OPCML: variants seen among roughly 807,000 people sequenced by gnomAD.
OPCML encodes opioid-binding protein/cell adhesion molecule.
In OPCML, 13 loss-of-function variants were observed where a neutral mutation model predicts 37.8. The ratio of observed to expected loss-of-function variants is 0.34; its 90% confidence interval spans 0.22 to 0.55. The LOEUF is 0.55. Ranked by LOEUF, OPCML falls within the 20% of genes least tolerant of loss-of-function variation. OPCML has a pLI of 0.91. For missense variants in OPCML, 341 were observed against 435.6 expected (o/e 0.78, Z 1.93); for synonymous variants, 176 against 168.8 (o/e 1.04, Z -0.33).
intron 2 of OPCML, among the ~76,000 whole-genome samples, chr11:132,901,779 A>G (rs1944071971): frequency 6.6e-6 from 1 of 152,220 alleles, no homozygotes; most frequent in African/African-American, 2.4e-5. Flanking sequence ...GCATAAAGGA[A>G]AAAGAAATGA....
At chr11:133,507,314 C>T (rs981586125) in intron 1 of OPCML, among the ~76,000 whole-genome samples, 3 of 152,176 alleles carry the variant, frequency 2.0e-5, no homozygotes, top group East Asian at 3.9e-4. Flanking sequence ...TGGGTGCAGC[C>T]CCAGGCTCCA....
At chr11:133,249,341 G>C (rs1941051744) in intron 1 of OPCML, among the ~76,000 whole-genome samples, 1 of 152,102 alleles carries the variant, frequency 6.6e-6, no homozygotes, top group African/African-American at 2.4e-5. Flanking sequence ...TGAACGATCA[G>C]TTCTGGTGAG....
intron 3 of OPCML, among the ~76,000 whole-genome samples, chr11:132,598,709 T>C (rs1167079865): frequency 6.6e-6 from 1 of 152,216 alleles, no homozygotes; most frequent in Non-Finnish European, 1.5e-5. Context: ...CTGAATTTAA[T>C]ACAAATCACT....
At chr11:132,717,188 G>C (rs1197025314) in intron 2 of OPCML, among the ~76,000 whole-genome samples, 1 of 152,104 alleles carries the variant, frequency 6.6e-6, no homozygotes. Flanking sequence ...TGACCACTTT[G>C]TTATTGGATG....
At chr11:133,301,663 C>T (rs1942781273) in intron 1 of OPCML, 1 of 152,114 alleles carries the variant, frequency 6.6e-6, no homozygotes, top group African/African-American at 2.4e-5. Context: ...CTGGAAGTCT[C>T]ACTTAAAATA....
At chr11:132,759,309 C>A (rs907156026) in intron 2 of OPCML, among the ~76,000 whole-genome samples, 1 of 152,092 alleles carries the variant, frequency 6.6e-6, no homozygotes, top group Non-Finnish European at 1.5e-5. Context: ...ATGATGCTGG[C>A]CTCATAAAAT....
intron 4 of OPCML, among the ~76,000 whole-genome samples, chr11:132,464,057 T>C (rs2096111962): frequency 6.6e-6 from 1 of 152,208 alleles, no homozygotes; most frequent in African/African-American, 2.4e-5. Context: ...ATAAACAAAA[T>C]ACATTTCATG....
intron 1 of OPCML, among the ~76,000 whole-genome samples, chr11:133,396,663 G>T (rs1206322584): frequency 6.6e-6 from 1 of 152,052 alleles, no homozygotes; most frequent in Non-Finnish European, 1.5e-5. Context: ...GATAATACTG[G>T]CTTAACTTTC....
rs1048707351 is a variant in OPCML at position 133,211,567 on chromosome 11, T to G, written c.62-268557A>C. Among the ~76,000 whole-genome samples the G allele has an allele frequency of 4.6e-5, 7 of 152,200 alleles. No homozygotes were observed. The highest frequency in any genetic ancestry group is 1.7e-4 in the African/African-American group (7 of 41,446). On this transcript the variant is annotated intron_variant, in intron 1 of 7. Transcript: ENST00000524381. This position sits in a 1 kb window ranked among gnomAD's most constrained non-coding sequence, Gnocchi z 4.1. ...AACACTTCCGAAGGTTCTGTAACTA[T>G]GCTTTGGCATCAACAGTGGAACATG... is the stretch of plus-strand genomic sequence containing the variant.
chr11:133,452,831 A>G (rs1946606008), intron 1 of OPCML, among the ~76,000 whole-genome samples: 1 of 151,592 alleles, frequency 6.6e-6, no homozygotes, highest in Non-Finnish European at 1.5e-5. Context: ...TCTAGGGGAA[A>G]TTTGCTTAGC....
chr11:133,436,844 C>A (rs1405479385), intron 1 of OPCML, among the ~76,000 whole-genome samples: 4 of 152,168 alleles, frequency 2.6e-5, no homozygotes, highest in Non-Finnish European at 5.9e-5. Flanking sequence ...AAGACCTAAA[C>A]CTTTCGGTCC....
chr11:133,001,870 G>C (rs1947012752), intron 1 of OPCML, among the ~76,000 whole-genome samples: 1 of 152,220 alleles, frequency 6.6e-6, no homozygotes, highest in Non-Finnish European at 1.5e-5. Flanking sequence ...TCATGATCTG[G>C]CAAGAGTATT....
intron 3 of OPCML, among the ~76,000 whole-genome samples, chr11:132,582,149 T>A (rs75112659): frequency 0.027 from 3,504 of 129,594 alleles, 115 homozygotes; most frequent in African/African-American, 0.085. Flanking sequence ...TGTGTGTGTG[T>A]GAAACAGAGA....
At position 132,633,533 on chromosome 11, in the gene OPCML, C is replaced by G. The variant is rs80264345; in HGVS notation, c.379+23554G>C. ...GCCTCAGGATTCGACCCCACTCCCC[C>G]AGTCACAGGAAGTGCGAGGAGGCCC... On this transcript the variant is annotated intron_variant, in intron 3 of 7. Transcript: ENST00000524381. 1.8e-4 allele frequency among the ~76,000 whole-genome samples: 27 copies of G among 152,270 alleles called. No homozygotes were observed. The South Asian group carries it at 2.1e-3, about 12-fold the overall frequency.
rs566980454 is a variant in OPCML, at chr11:132,873,341, T to A, written c.146+69585A>T. Among the ~76,000 whole-genome samples, 3 of 152,318 alleles carry A rather than the reference T, an allele frequency of 2.0e-5. No homozygotes were observed. The South Asian group carries it at 6.2e-4, about 32-fold the overall frequency. On this transcript the variant is annotated intron_variant, in intron 2 of 7. Coordinates refer to ENST00000524381, the MANE Select transcript of OPCML (RefSeq NM_001012393.5). ...GTGATAAGTCTAGAACCAAGTTAGG[T>A]GATACGCTTTCCTTCAGGTAAACCA...
intron 1 of OPCML, among the ~76,000 whole-genome samples, chr11:132,994,592 C>A (rs1946848285): frequency 6.6e-6 from 1 of 152,146 alleles, no homozygotes; most frequent in Admixed American, 6.5e-5. Context: ...GCAGCGTTTG[C>A]AATCCCTCAT....
At chr11:133,254,055 C>T (rs965097774) in intron 1 of OPCML, among the ~76,000 whole-genome samples, 8 of 152,104 alleles carry the variant, frequency 5.3e-5, no homozygotes, top group African/African-American at 1.7e-4. Context: ...AGTCAAGAGA[C>T]AGCAGAACCT....
intron 2 of OPCML, among the ~76,000 whole-genome samples, chr11:132,681,180 G>T (rs1455804512): frequency 2.6e-5 from 4 of 152,174 alleles, no homozygotes; most frequent in East Asian, 1.9e-4. Flanking sequence ...GAAATTCTAG[G>T]CAGAAAAGGG....
chr11:132,804,301 G>A (rs1432442616), intron 2 of OPCML, among the ~76,000 whole-genome samples: 2 of 152,108 alleles, frequency 1.3e-5, no homozygotes, highest in South Asian at 2.1e-4. Flanking sequence ...ATGTTTCTGC[G>A]GAGCCCAAGT....
Sources: gnomAD v4.1 joint callset for allele counts (sites outside exome capture counted in the v4.1 genomes callset) on GRCh38, gnomAD v4.1.1 for gene constraint, Gnocchi (gnomAD v3.1) non-coding constraint, MANE v1.5 for transcripts, NCBI Gene and HGNC (gene_info 2026-07-23, HGNC 2026-07-21) for gene names.